The following NSD2 variants were observed in gnomAD, a reference collection of about 807,000 sequenced individuals.
The protein encoded by NSD2 is nuclear receptor binding SET domain protein 2.
NSD2 carries 12 observed loss-of-function variants against 139.0 expected under a neutral mutation model. That is an observed-to-expected ratio of 0.09 (90% CI 0.06 to 0.14). The LOEUF is 0.14. Among genes scored for constraint, NSD2 ranks in the 10% least tolerant of loss-of-function variants. The probability of loss-of-function intolerance (pLI) is 1.00; values close to 1 mark genes in which losing one functional copy is unlikely to be tolerated. For synonymous variants in NSD2, 669 were observed against 648.7 expected (o/e 1.03, Z -0.48); for missense variants, 1,155 against 1,745.0 (o/e 0.66, Z 6.02).
In NSD2 at chr4:1,902,398, T is replaced by TA. The variant is rs1717305738; in HGVS notation, c.597+1148dup. Among the ~76,000 whole-genome samples, 5 of 152,076 alleles carry TA rather than the reference T, an allele frequency of 3.3e-5. No individual in the cohort carries two copies. The South Asian group carries it at 8.3e-4, about 25-fold the overall frequency. On this transcript the variant is annotated intron_variant, in intron 2 of 21. Coordinates refer to ENST00000508803, the MANE Select transcript of NSD2 (RefSeq NM_001042424.3). ...ACCACTATATGCCCAGTTAATTTTT[T>TA]ATTTTTTGTAGGACAGGGTCTTGCT... is the stretch of plus-strand genomic sequence containing the variant.
rs576796984 is a variant in NSD2 at position 1,916,117 on chromosome 4, C to A, written c.761-754C>A. 2.6e-5 allele frequency among the ~76,000 whole-genome samples: 4 copies of A among 152,188 alleles called. No homozygotes were observed. In the South Asian group the frequency reaches 8.3e-4, roughly 32 times the overall value. On this transcript the variant is annotated intron_variant, in intron 3 of 21. Transcript: ENST00000508803. The stretch of plus-strand genomic sequence containing the variant: ...TGTGGTCTGAGCTGCTCTCTGAGGC[C>A]ACTGATGCTCCTGTCACTCTAGCAC...
chr4:1,942,088 AT>A lies in NSD2; in HGVS notation c.1881+2313del. ...AATAAGGTACTTTTATAGGGTTGGT[AT>A]TTCAGAACACTTTAGGTCATGTTGT... On this transcript the variant is annotated intron_variant, in intron 9 of 21. Coordinates refer to ENST00000508803, the MANE Select transcript of NSD2 (RefSeq NM_001042424.3). The surrounding 1 kb of genome is among the most constrained non-coding windows in gnomAD (Gnocchi z 4.0). 1 of 1,204,546 alleles carries A rather than the reference AT, an allele frequency of 8.3e-7. No individual in the cohort carries two copies. Among genetic ancestry groups the A allele is most frequent in the Non-Finnish European group, 1.0e-6 (1 of 964,040 alleles). 74.6% of individuals were successfully genotyped at this position (1,204,546 alleles called of 1,614,324 possible).
Position 1,938,495 on chromosome 4 carries a change from G to T in NSD2, c.1719G>T (p.Lys573Asn), listed in dbSNP as rs754736806. 6.4e-7 allele frequency: 1 copy of T among 1,551,386 alleles called. No individual in the cohort carries two copies. The highest frequency in any genetic ancestry group is 1.1e-5 in the South Asian group (1 of 89,522). Reference protein sequence around the residue: ...TDKTARTSSYKAMEAASSLKS... With the variant: ...TDKTARTSSYNAMEAASSLKS... Reference sequence around the variant, plus strand: ...AAACGGCCAGAACAAGCTCTTACAAGGCCATGGAGGCAGCCTCCTCGCTCA... The same window carrying T: ...AAACGGCCAGAACAAGCTCTTACAATGCCATGGAGGCAGCCTCCTCGCTCA... Residue 573 changes from lysine to asparagine, a missense_variant, in exon 8 of 22, where the codon AAG becomes AAT. This residue lies in a region of NSD2 where 420 missense variants were observed against 469.0 expected (regional missense o/e 0.90). Coordinates refer to ENST00000508803, the MANE Select transcript of NSD2 (RefSeq NM_001042424.3).
At chr4:1,894,749 T>A (rs1677877434) in intron 1 of NSD2, among the ~76,000 whole-genome samples, 1 of 152,152 alleles carries the variant, frequency 6.6e-6, no homozygotes, top group Non-Finnish European at 1.5e-5. Context: ...TAGAACTGCA[T>A]TGGAATGTAA....
At chr4:1,931,592 G>C (rs1721640504) in intron 6 of NSD2, among the ~76,000 whole-genome samples, 1 of 152,098 alleles carries the variant, frequency 6.6e-6, no homozygotes, top group South Asian at 2.1e-4. Flanking sequence ...AACATAAAGT[G>C]TTTCAAGACT....
chr4:1,918,490 C>T lies in NSD2; in HGVS notation c.1277C>T (p.Thr426Met), dbSNP rs200784805. 6.6e-5 allele frequency: 107 copies of T among 1,614,004 alleles called. No individual in the cohort carries two copies. The highest frequency in any genetic ancestry group is 5.6e-4 in the South Asian group (51 of 91,062). The part of the protein sequence containing the change: ...PDIGKSTPQK[T>M]AEADPRRGVG... ...ATAGGGAAGAGTACTCCTCAAAAGA[C>T]GGCAGAGGCTGACCCCAGAAGAGGA... The change falls in exon 5 of 22, where the codon ACG becomes ATG. Residue 426 changes from threonine to methionine, a missense_variant. By Grantham distance (81) the Thr-to-Met change is moderately conservative. Around this residue, in one of 8 missense-constraint regions of NSD2, gnomAD observed 420 missense variants for 469.0 expected, o/e 0.90. Coordinates refer to ENST00000508803, the MANE Select transcript of NSD2 (RefSeq NM_001042424.3).
At chr4:1,910,068 C>T (rs1040702650) in intron 3 of NSD2, among the ~76,000 whole-genome samples, 1 of 152,148 alleles carries the variant, frequency 6.6e-6, no homozygotes, top group Non-Finnish European at 1.5e-5. Flanking sequence ...GAACATAACT[C>T]ATAAGCTACA....
rs1312989526 is a variant in NSD2, at chr4:1,950,159, C to G, written c.1882-913C>G. On this transcript the variant is annotated intron_variant, in intron 9 of 21. Transcript: ENST00000508803. Reference sequence around the variant, plus strand: ...ACTTGATTTGACAGACAAGAAGATTCTCTATTTTATTCATTTAAATATTTG... The same window carrying G: ...ACTTGATTTGACAGACAAGAAGATTGTCTATTTTATTCATTTAAATATTTG... Among the ~76,000 whole-genome samples, 10 of 152,262 alleles carry G rather than the reference C, an allele frequency of 6.6e-5. No homozygotes were observed. The East Asian group carries it at 1.9e-3, about 29-fold the overall frequency.
At chr4:1,946,213 A>T (rs1723608438) in intron 9 of NSD2, 1 of 1,016,692 alleles carries the variant, frequency 9.8e-7, no homozygotes, top group Non-Finnish European at 1.2e-6. Flanking sequence ...CAAAGCTGTT[A>T]TTGGCTTCTT....
intron 3 of NSD2, chr4:1,912,051 G>A (rs1391635178): frequency 3.0e-6 from 1 of 328,452 alleles, no homozygotes; most frequent in Non-Finnish European, 6.1e-6. Flanking sequence ...TAAAGTAATG[G>A]AAGAAGTCAC....
chr4:1,952,640 T>A, intron 11 of NSD2: 1 of 913,996 alleles, frequency 1.1e-6, no homozygotes, highest in South Asian at 3.9e-5. Context: ...GAACATGGAG[T>A]TCTTTATGAA....
At chr4:1,913,630 G>A (rs1250819704) in intron 3 of NSD2, among the ~76,000 whole-genome samples, 1 of 152,166 alleles carries the variant, frequency 6.6e-6, no homozygotes, top group African/African-American at 2.4e-5. Context: ...TACCAAACAG[G>A]GAAGGGCCCC....
At position 1,904,455 on chromosome 4, in the gene NSD2, C is replaced by T. The variant is rs544969747; in HGVS notation, c.760+77C>T. ...TTCTCATCTCCAGGCTTCTTTCTTA[C>T]TCTTTCTAAATAGCCCTGCTATGGT... is the stretch of plus-strand genomic sequence containing the variant. On this transcript the variant is annotated intron_variant, in intron 3 of 21. Transcript: ENST00000508803. 34 of 1,475,820 alleles carry T rather than the reference C, an allele frequency of 2.3e-5. No homozygotes were observed. The East Asian group carries it at 7.6e-4, about 33-fold the overall frequency. The allele number at this position is 1,475,820 out of a possible 1,614,324, so 91.4% of individuals were successfully genotyped here.
chr4:1,881,145 C>CT (rs1458459944), intron 1 of NSD2, among the ~76,000 whole-genome samples: 1 of 152,004 alleles, frequency 6.6e-6, no homozygotes, highest in African/African-American at 2.4e-5. Context: ...TGGGTTCTAA[C>CT]TTTTTTTTGA....
intron 12 of NSD2, 122 bp downstream of exon 12, chr4:1,953,646 C>G (rs1009580756): frequency 3.4e-5 from 43 of 1,256,230 alleles, no homozygotes; most frequent in African/African-American, 4.5e-5. Context: ...TCTTGAGTGA[C>G]TAACTGGACA....
chr4:1,871,575 C>G (rs1036796490), intron 1 of NSD2, 33 bp downstream of exon 1: 1 of 151,062 alleles, frequency 6.6e-6, no homozygotes, highest in Non-Finnish European at 1.5e-5. Context: ...AGTCGCGGGC[C>G]GCCAACCGCC....
chr4:1,944,496 C>T (rs1197474202), intron 9 of NSD2: 3 of 1,065,610 alleles, frequency 2.8e-6, no homozygotes, highest in African/African-American at 3.3e-5. Context: ...TGACTCACTT[C>T]AGACCATCTT....
At chr4:1,930,952 TA>T (rs1303361883) in intron 6 of NSD2, among the ~76,000 whole-genome samples, 182 bp downstream of exon 6, 4 of 152,134 alleles carry the variant, frequency 2.6e-5, no homozygotes, top group Non-Finnish European at 5.9e-5. Context: ...CATCTGCGTT[TA>T]CTGGCTTATG....
intron 21 of NSD2, among the ~76,000 whole-genome samples, chr4:1,978,074 C>T (rs975016479): frequency 2.0e-5 from 3 of 151,950 alleles, no homozygotes; most frequent in Admixed American, 6.6e-5. Context: ...CTGCAGTGAG[C>T]CAAGATTGCG....
Sources: allele counts gnomAD v4.1 joint callset (sites outside exome capture counted in the v4.1 genomes callset), GRCh38; gene constraint gnomAD v4.1.1; regional missense constraint gnomAD v4.1.1; non-coding constraint Gnocchi (gnomAD v3.1); transcripts MANE v1.5; gene names NCBI Gene and HGNC (gene_info 2026-07-23, HGNC 2026-07-21).